The following SAMD12 variants were observed in gnomAD, a reference collection of about 807,000 sequenced individuals.
SAMD12 encodes sterile alpha motif domain-containing protein 12.
Under a neutral mutation model 15.0 loss-of-function variants are expected in SAMD12, and 9 were observed. The observed-to-expected ratio is 0.60, with a 90% CI of 0.36 to 1.05. SAMD12 has a LOEUF of 1.05. Ranked by LOEUF, SAMD12 falls within the 50% of genes least tolerant of loss-of-function variation. The pLI, the probability that SAMD12 is intolerant of heterozygous loss-of-function variation, is 0.01. For missense variants in SAMD12, 230 were observed against 234.2 expected, an observed-to-expected ratio of 0.98 and a Z score of 0.12; for synonymous variants, 86 against 90.1, an observed-to-expected ratio of 0.96 and a Z score of 0.25.
intron 2 of SAMD12, among the ~76,000 whole-genome samples, chr8:118,495,233 C>G (rs1824575417): frequency 6.6e-6 from 1 of 152,174 alleles, no homozygotes; most frequent in Admixed American, 6.5e-5. Flanking sequence ...TGTCATGGGA[C>G]ATATGCCCCT....
chr8:118,476,975 T>C (rs914103027), intron 2 of SAMD12, among the ~76,000 whole-genome samples: 3 of 152,158 alleles, frequency 2.0e-5, no homozygotes, highest in African/African-American at 7.2e-5. Context: ...GACACATCAC[T>C]TCCTGTACCT....
intron 1 of SAMD12, among the ~76,000 whole-genome samples, chr8:118,615,634 C>G (rs1828220905): frequency 6.6e-6 from 1 of 152,146 alleles, no homozygotes; most frequent in African/African-American, 2.4e-5. Flanking sequence ...GCTTCAGATC[C>G]CCAGCTCCCC....
intron 2 of SAMD12, among the ~76,000 whole-genome samples, chr8:118,558,680 T>A (rs1237546084): frequency 6.6e-6 from 1 of 152,158 alleles, no homozygotes; most frequent in African/African-American, 2.4e-5. Flanking sequence ...TGCCTCAGCC[T>A]CCCGAGTAGC....
In SAMD12 at chr8:118,283,650, A is replaced by G. The variant is rs370862885; in HGVS notation, c.434-85918T>C. Reference sequence around the variant, plus strand: ...GCAAGTGCTCAACTCCAGGGAAGGGAGATCCATCCTGGGATCTGGTGATGA... The same window carrying G: ...GCAAGTGCTCAACTCCAGGGAAGGGGGATCCATCCTGGGATCTGGTGATGA... On this transcript the variant is annotated intron_variant, in intron 4 of 4. Coordinates refer to the SAMD12 transcript ENST00000409003. Among the ~76,000 whole-genome samples the G allele has an allele frequency of 5.9e-5, 9 of 152,338 alleles. No homozygotes were observed. In the East Asian group the frequency reaches 1.7e-3, roughly 29 times the overall value.
At chr8:118,351,411 T>C (rs1049200242) in intron 4 of SAMD12, among the ~76,000 whole-genome samples, 8 of 152,128 alleles carry the variant, frequency 5.3e-5, no homozygotes, top group Admixed American at 3.9e-4. Context: ...CTCCTTTTAT[T>C]TTACTGGAAA....
chr8:118,580,262 C>G (rs957056953), intron 2 of SAMD12, among the ~76,000 whole-genome samples: 17 of 152,148 alleles, frequency 1.1e-4, no homozygotes, highest in African/African-American at 4.1e-4. Flanking sequence ...GCACAAGCCT[C>G]TCATACTCAT....
At chr8:118,345,923 T>TGGAGGG (rs1817619117) in intron 4 of SAMD12, among the ~76,000 whole-genome samples, 1 of 152,034 alleles carries the variant, frequency 6.6e-6, no homozygotes, top group African/African-American at 2.4e-5. Flanking sequence ...ATGAAGAATG[T>TGGAGGG]GGAGGAGGAG....
At chr8:118,325,627 C>G (rs538106523) in intron 4 of SAMD12, among the ~76,000 whole-genome samples, 137 of 152,230 alleles carry the variant, frequency 9.0e-4, no homozygotes, top group African/African-American at 3.1e-3. Context: ...GTACGCCATG[C>G]AGTATTATTA....
the SAMD12 span, among the ~76,000 whole-genome samples, chr8:118,165,991 T>A: frequency 6.6e-6 from 1 of 152,098 alleles, no homozygotes; most frequent in East Asian, 1.9e-4. Flanking sequence ...TGATTTCAGT[T>A]CCGTGCAATA....
rs904744101 is a variant in SAMD12, at chr8:118,200,401, A to G, written c.434-2669T>C. Among the ~76,000 whole-genome samples the G allele has an allele frequency of 8.1e-5, 3 of 37,164 alleles. No individual in the cohort carries two copies. The South Asian group carries it at 2.5e-3, about 32-fold the overall frequency. The allele number at this position is 37,164 out of a possible 152,430, so 24.4% of individuals were successfully genotyped here. On this transcript the variant is annotated intron_variant, in intron 4 of 4. Coordinates refer to the SAMD12 transcript ENST00000409003. ...GCACGATGAAGGGCCCTATTAGAGTACCAAAAAAAAAAAAAAAAAAAATCA... is the reference window on the plus strand; with the variant it reads ...GCACGATGAAGGGCCCTATTAGAGTGCCAAAAAAAAAAAAAAAAAAAATCA...
At chr8:118,549,147 T>A (rs988249800) in intron 2 of SAMD12, among the ~76,000 whole-genome samples, 2 of 152,216 alleles carry the variant, frequency 1.3e-5, no homozygotes, top group African/African-American at 4.8e-5. Context: ...GACTGAAATG[T>A]CCCTGTCTGA....
chr8:118,489,665 G>A (rs1424036889), intron 2 of SAMD12, among the ~76,000 whole-genome samples: 1 of 152,084 alleles, frequency 6.6e-6, no homozygotes, highest in Non-Finnish European at 1.5e-5. Flanking sequence ...TTACAATACT[G>A]TTCATGTGAT....
chr8:118,179,299 T>C, the SAMD12 span, among the ~76,000 whole-genome samples: 2 of 151,772 alleles, frequency 1.3e-5, no homozygotes, highest in African/African-American at 4.8e-5. Flanking sequence ...TAGCCGGGCG[T>C]GGTGGCGCAT....
exon 5 of SAMD12, chr8:118,193,714 A>G (rs1819473945): frequency 6.6e-6 from 1 of 152,198 alleles, no homozygotes; most frequent in African/African-American, 2.4e-5. Flanking sequence ...TGAGTTCTTT[A>G]TAGAATTCTT....
chr8:118,337,402 T>C (rs1216120591), intron 4 of SAMD12, among the ~76,000 whole-genome samples: 1 of 152,194 alleles, frequency 6.6e-6, no homozygotes, highest in Admixed American at 6.5e-5. Flanking sequence ...TGCTATCTTG[T>C]CATGCTTTCT....
intron 4 of SAMD12, among the ~76,000 whole-genome samples, chr8:118,311,272 C>T (rs1363946501): frequency 6.6e-6 from 1 of 152,212 alleles, no homozygotes; most frequent in African/African-American, 2.4e-5. Flanking sequence ...GGGTTAGGGT[C>T]ATATACATTT....
chr8:118,157,363 A>G, the SAMD12 span, among the ~76,000 whole-genome samples: 1 of 152,200 alleles, frequency 6.6e-6, no homozygotes, highest in Admixed American at 6.5e-5. Flanking sequence ...CCCACCATGA[A>G]TATATAAATC....
intron 2 of SAMD12, among the ~76,000 whole-genome samples, chr8:118,483,485 T>C (rs531958856): frequency 1.3e-5 from 2 of 152,338 alleles, no homozygotes; most frequent in African/African-American, 4.8e-5. Context: ...ATCATTCAAC[T>C]CTTGCAGTAC....
At chr8:118,296,122 T>C (rs1814698188) in intron 4 of SAMD12, among the ~76,000 whole-genome samples, 1 of 152,188 alleles carries the variant, frequency 6.6e-6, no homozygotes, top group Admixed American at 6.5e-5. Context: ...ATATGTAGGT[T>C]TGACATTCAC....
Sources: gnomAD v4.1 joint callset for allele counts (sites outside exome capture counted in the v4.1 genomes callset) on GRCh38, gnomAD v4.1.1 for gene constraint, MANE v1.5 for transcripts, NCBI Gene and HGNC (gene_info 2026-07-23, HGNC 2026-07-21) for gene names.